The following ADGRE3 variants were observed in gnomAD, a reference collection of about 807,000 sequenced individuals.
ADGRE3 encodes adhesion G protein-coupled receptor E3, also known as EGF-like module receptor 3.
In ADGRE3, 88 loss-of-function variants were observed where a neutral mutation model predicts 80.1. The observed-to-expected ratio is 1.10, with a 90% CI of 0.93 to 1.31. ADGRE3 has a LOEUF of 1.31. Ranked by LOEUF, ADGRE3 falls within the 40% of genes most tolerant of loss-of-function variation. ADGRE3 has a pLI of 0.00. For missense variants in ADGRE3, 715 were observed against 776.5 expected (o/e 0.92, Z 0.94); for synonymous variants, 281 against 294.8 (o/e 0.95, Z 0.48).
intron 5 of ADGRE3, among the ~76,000 whole-genome samples, chr19:14,657,623 C>T (rs1040055197): frequency 2.0e-5 from 3 of 151,790 alleles, no homozygotes; most frequent in Non-Finnish European, 4.4e-5. Context: ...GTTCCAGGAT[C>T]GTCCATATAT....
chr19:14,600,593 T>A, the ADGRE3 span, among the ~76,000 whole-genome samples: 1 of 151,986 alleles, frequency 6.6e-6, no homozygotes, highest in East Asian at 1.9e-4. Flanking sequence ...TTTTCTTTTT[T>A]TTTTTTGAGA....
At chr19:14,604,569 C>G in the ADGRE3 span, among the ~76,000 whole-genome samples, 3 of 152,056 alleles carry the variant, frequency 2.0e-5, no homozygotes, top group Admixed American at 2.0e-4. Flanking sequence ...TTGAGACCAG[C>G]CTGGCCAACA....
chr19:14,612,451 C>G, the ADGRE3 span, among the ~76,000 whole-genome samples: 374 of 152,188 alleles, frequency 2.5e-3, 1 homozygote, highest in South Asian at 5.2e-3. Flanking sequence ...CCTCCCGCCT[C>G]AGCCTCCTGA....
chr19:14,610,217 G>A, the ADGRE3 span: 1 of 1,550,026 alleles, frequency 6.5e-7, no homozygotes, highest in African/African-American at 1.4e-5. Flanking sequence ...CGAGGCTGGG[G>A]GTCCATATCT....
At chr19:14,634,794 G>A (rs1970989311) in intron 11 of ADGRE3, among the ~76,000 whole-genome samples, 1 of 152,138 alleles carries the variant, frequency 6.6e-6, no homozygotes, top group Non-Finnish European at 1.5e-5. Flanking sequence ...TAAGGTTAAG[G>A]AAACCAAGTT....
chr19:14,625,228 C>T (rs941692674), intron 15 of ADGRE3, among the ~76,000 whole-genome samples: 7 of 152,306 alleles, frequency 4.6e-5, no homozygotes, highest in Middle Eastern at 3.4e-3. Flanking sequence ...GATGCACCCA[C>T]CTTGGCCTCC....
chr19:14,650,319 T>G (rs1023688238), intron 7 of ADGRE3, among the ~76,000 whole-genome samples: 3 of 150,638 alleles, frequency 2.0e-5, no homozygotes, highest in Admixed American at 2.0e-4. Flanking sequence ...TTTTCTCATC[T>G]TTCTCTTTCC....
chr19:14,604,028 G>T, the ADGRE3 span, among the ~76,000 whole-genome samples: 2 of 152,154 alleles, frequency 1.3e-5, no homozygotes, highest in Non-Finnish European at 2.9e-5. Context: ...AGCCTTTTGG[G>T]CCTGGAGGTC....
intron 2 of ADGRE3, among the ~76,000 whole-genome samples, chr19:14,666,884 A>G (rs1032301355): frequency 1.3e-5 from 2 of 152,186 alleles, no homozygotes; most frequent in African/African-American, 4.8e-5. Context: ...CCAGGACTTA[A>G]TACCTTACCA....
intron 10 of ADGRE3, among the ~76,000 whole-genome samples, chr19:14,640,292 C>T (rs1398723041): frequency 2.6e-5 from 4 of 151,988 alleles, no homozygotes; most frequent in Non-Finnish European, 5.9e-5. Flanking sequence ...ACTAAGACAA[C>T]TTATTTATTT....
the ADGRE3 span, among the ~76,000 whole-genome samples, chr19:14,602,741 G>T: frequency 6.9e-6 from 1 of 145,164 alleles, no homozygotes; most frequent in African/African-American, 2.5e-5. Flanking sequence ...TAGTTAAACA[G>T]TTTTTTTTTT....
chr19:14,641,574 T>C lies in ADGRE3; in HGVS notation c.1093A>G (p.Ser365Gly), dbSNP rs755931722. Residue 365 changes from serine (S) to glycine (G), a missense_variant, in exon 10 of 16, where the codon AGC becomes GGC. By Grantham distance (56) the Ser-to-Gly change is moderately conservative. Coordinates refer to ENST00000253673, the MANE Select transcript of ADGRE3 (RefSeq NM_032571.5). The stretch of plus-strand genomic sequence containing the variant: ...AGGAGGAGGCACAGCAGAGAGACGC[T>C]CAGCCCCACGTAGGTGATGACAGTC... ...VLTVITYVGL[S>G]VSLLCLLLAA... 1 of 1,614,140 alleles carries C rather than the reference T, an allele frequency of 6.2e-7. No individual in the cohort carries two copies. Among genetic ancestry groups the C allele is most frequent in the Non-Finnish European group, 8.5e-7 (1 of 1,180,022 alleles).
At chr19:14,620,551 TATATA>T (rs1970558681) in intron 15 of ADGRE3, among the ~76,000 whole-genome samples, 1 of 23,402 alleles carries the variant, frequency 4.3e-5, no homozygotes, top group Non-Finnish European at 7.6e-5. Flanking sequence ...ATATATATTA[TATATA>T]TATATATATA....
At chr19:14,639,550 G>A (rs115467871) in intron 10 of ADGRE3, among the ~76,000 whole-genome samples, 2,238 of 152,002 alleles carry the variant, frequency 0.015, 49 homozygotes, top group African/African-American at 0.051. Context: ...GACTACAGAC[G>A]TGCACCACTG....
At chr19:14,605,947 C>T in the ADGRE3 span, among the ~76,000 whole-genome samples, 1 of 152,020 alleles carries the variant, frequency 6.6e-6, no homozygotes, top group African/African-American at 2.4e-5. Context: ...AGTATGTTGC[C>T]CAGACTAATC....
chr19:14,610,063 G>A, the ADGRE3 span: 1 of 1,612,806 alleles, frequency 6.2e-7, no homozygotes, highest in Non-Finnish European at 8.5e-7. Context: ...CCTCCATCCA[G>A]CTTCTGGGAG....
At chr19:14,620,496 A>T (rs1339023329) in intron 15 of ADGRE3, among the ~76,000 whole-genome samples, 3,034 of 122,952 alleles carry the variant, frequency 0.025, 35 homozygotes, top group East Asian at 0.035. Context: ...AATATATATG[A>T]ATATATGAAT....
the ADGRE3 span, among the ~76,000 whole-genome samples, chr19:14,601,264 C>T: frequency 1.2e-4 from 19 of 152,016 alleles, no homozygotes; most frequent in East Asian, 7.7e-4. Flanking sequence ...TGAAAGTAGA[C>T]GAGGGAAATC....
rs775550790 is a variant in ADGRE3 at position 14,633,219 on chromosome 19, CGAAGGCACATACTCACAGA to C, written c.1549_1551+16del. 72 of 1,606,724 alleles carry C rather than the reference CGAAGGCACATACTCACAGA, an allele frequency of 4.5e-5. No homozygotes were observed. The highest frequency in any genetic ancestry group is 5.4e-5 in the Non-Finnish European group (64 of 1,174,426). On this transcript the variant is annotated splice_donor_variant and splice_donor_5th_base_variant and coding_sequence_variant and intron_variant, in exon 12 of 16. Coordinates refer to ENST00000253673, the MANE Select transcript of ADGRE3 (RefSeq NM_032571.5). LOFTEE classifies it high-confidence loss of function. ...TTGGTTCTTCCTAGTTTGGGAACAT[CGAAGGCACATACTCACAGA>C]GAAAATGGCACAGACTGGGCCAAGG...
Sources: allele counts gnomAD v4.1 joint callset (sites outside exome capture counted in the v4.1 genomes callset), GRCh38; gene constraint gnomAD v4.1.1; transcripts MANE v1.5; gene names NCBI Gene and HGNC (gene_info 2026-07-23, HGNC 2026-07-21).